The following KDM4C variants were observed in gnomAD, a reference collection of about 807,000 sequenced individuals.
KDM4C encodes lysine demethylase 4C.
A neutral mutation model predicts 129.3 loss-of-function variants in KDM4C; 81 were observed. The ratio of observed to expected loss-of-function variants is 0.63; its 90% confidence interval spans 0.52 to 0.75. The LOEUF (loss-of-function observed/expected upper bound fraction) is 0.75. Among genes scored for constraint, KDM4C ranks in the 30% least tolerant of loss-of-function variants. The probability of loss-of-function intolerance (pLI) is 0.00; values close to 1 mark genes in which losing one functional copy is unlikely to be tolerated. For synonymous variants in KDM4C, 573 were observed against 456.1 expected (o/e 1.26, Z -3.26); for missense variants, 1,457 against 1,304.0 (o/e 1.12, Z -1.81).
intron 8 of KDM4C, chr9:6,893,516 T>C (rs1846399764): frequency 9.3e-6 from 2 of 214,204 alleles, no homozygotes; most frequent in East Asian, 2.2e-4. Context: ...CAGTTGGTGT[T>C]TTGCAAGATT....
At chr9:6,957,365 C>T (rs1372984293) in intron 8 of KDM4C, among the ~76,000 whole-genome samples, 1 of 152,168 alleles carries the variant, frequency 6.6e-6, no homozygotes, top group African/African-American at 2.4e-5. Context: ...AGAAGGAAAG[C>T]TGTGTCCTGC....
intron 15 of KDM4C, among the ~76,000 whole-genome samples, chr9:7,028,361 A>G (rs1392592272): frequency 1.3e-5 from 2 of 151,812 alleles, no homozygotes; most frequent in Non-Finnish European, 2.9e-5. Context: ...CCTTCCGGCC[A>G]AGGGTGTGTC....
At chr9:7,153,556 A>T (rs941369478) in intron 19 of KDM4C, among the ~76,000 whole-genome samples, 6 of 152,084 alleles carry the variant, frequency 3.9e-5, no homozygotes, top group African/African-American at 1.2e-4. Flanking sequence ...CTTTTTGAGG[A>T]GGATGGTTTT....
intron 4 of KDM4C, among the ~76,000 whole-genome samples, chr9:6,848,640 G>A (rs1838287561): frequency 6.6e-6 from 1 of 151,994 alleles, no homozygotes; most frequent in South Asian, 2.1e-4. Flanking sequence ...CTGCACTCCA[G>A]CCTGGGCGAC....
chr9:7,003,015 C>T (rs1821012404), intron 12 of KDM4C, among the ~76,000 whole-genome samples: 1 of 152,206 alleles, frequency 6.6e-6, no homozygotes. Context: ...CGCCTGCCAC[C>T]ATTCTCGGCT....
chr9:6,760,445 G>GTATATATATATATA (rs60954996), intron 1 of KDM4C, among the ~76,000 whole-genome samples: 2,385 of 142,382 alleles, frequency 0.017, 62 homozygotes, highest in African/African-American at 0.046. Flanking sequence ...CTACTCTTGG[G>GTATATATATATATA]TATATATATA....
chr9:6,902,242 T>C (rs574858052), intron 8 of KDM4C, among the ~76,000 whole-genome samples: 3 of 152,324 alleles, frequency 2.0e-5, no homozygotes, highest in African/African-American at 4.8e-5. Context: ...TGAACACATA[T>C]AGAATTGTGC....
At chr9:7,007,918 A>G (rs949394340) in intron 12 of KDM4C, among the ~76,000 whole-genome samples, 9 of 152,228 alleles carry the variant, frequency 5.9e-5, no homozygotes, top group Non-Finnish European at 1.3e-4. Flanking sequence ...TCAGCAAGAC[A>G]GTGGAATAGG....
chr9:6,778,938 T>C (rs924867614), intron 1 of KDM4C, among the ~76,000 whole-genome samples: 7 of 151,632 alleles, frequency 4.6e-5, no homozygotes, highest in African/African-American at 1.7e-4. Flanking sequence ...GCCAAGCTGG[T>C]CTTTAACTCC....
chr9:6,775,437 A>G (rs896556804), intron 1 of KDM4C, among the ~76,000 whole-genome samples: 19 of 152,036 alleles, frequency 1.2e-4, no homozygotes, highest in African/African-American at 4.4e-4. Context: ...TTGAGTTTTC[A>G]GTTTTTAGTT....
At chr9:6,911,135 T>A (rs534174633) in intron 8 of KDM4C, among the ~76,000 whole-genome samples, 1 of 152,334 alleles carries the variant, frequency 6.6e-6, no homozygotes, top group South Asian at 2.1e-4. Context: ...GATTATTTTT[T>A]TAAAAGGGCT....
chr9:6,811,976 A>C (rs1014385344), intron 3 of KDM4C, among the ~76,000 whole-genome samples: 1 of 152,220 alleles, frequency 6.6e-6, no homozygotes, highest in Non-Finnish European at 1.5e-5. Flanking sequence ...GTTACTAGCC[A>C]AGTCATTTAT....
At chr9:7,060,710 G>T (rs1831530304) in intron 17 of KDM4C, among the ~76,000 whole-genome samples, 1 of 152,052 alleles carries the variant, frequency 6.6e-6, no homozygotes, top group Non-Finnish European at 1.5e-5. Flanking sequence ...TCAAACTCCT[G>T]ACCTCGTGAT....
At chr9:6,906,501 C>T (rs1310903788) in intron 8 of KDM4C, among the ~76,000 whole-genome samples, 2 of 152,170 alleles carry the variant, frequency 1.3e-5, no homozygotes, top group African/African-American at 2.4e-5. Context: ...GTACACTGAC[C>T]AGAGCCTCCC....
Position 7,165,357 on chromosome 9 carries a change from G to C in KDM4C, c.2901G>C (p.Gln967His). ...GATCAAATATTGCCCACATGTACCAGGTGGGTTCTTCCTTCTCTGTGATGC... is the reference window on the plus strand; with the variant it reads ...GATCAAATATTGCCCACATGTACCACGTGGGTTCTTCCTTCTCTGTGATGC... ...YFGSNIAHMY[Q>H]VEFEDGSQIA... is the part of the protein sequence containing the mutation. Residue 967 changes from glutamine (Q) to histidine (H), a missense_variant and splice_region_variant, in exon 20 of 22, where the codon CAG becomes CAC. Transcript: ENST00000381309. 1.2e-6 allele frequency: 2 copies of C among 1,613,648 alleles called. No homozygotes were observed. The highest frequency in any genetic ancestry group is 1.7e-6 in the Non-Finnish European group (2 of 1,179,782).
intron 1 of KDM4C, among the ~76,000 whole-genome samples, chr9:6,784,100 A>G (rs1824955592): frequency 6.6e-6 from 1 of 152,130 alleles, no homozygotes; most frequent in African/African-American, 2.4e-5. Context: ...TGCAGATGTT[A>G]CTATAGCCTG....
At chr9:6,743,840 T>C (rs778458532) in intron 1 of KDM4C, among the ~76,000 whole-genome samples, 10 of 152,068 alleles carry the variant, frequency 6.6e-5, no homozygotes, top group Non-Finnish European at 1.5e-4. Context: ...AATCTGCAGC[T>C]AGTCAAATTC....
intron 15 of KDM4C, among the ~76,000 whole-genome samples, chr9:7,024,280 A>C (rs1586992950): frequency 8.9e-6 from 1 of 112,334 alleles, no homozygotes; most frequent in African/African-American, 3.4e-5. Context: ...TTTTATCTCT[A>C]ATGTTTTCGT....
At chr9:6,999,287 A>G (rs1820339738) in intron 12 of KDM4C, among the ~76,000 whole-genome samples, 1 of 152,238 alleles carries the variant, frequency 6.6e-6, no homozygotes, top group Non-Finnish European at 1.5e-5. Flanking sequence ...TATTAAGTGA[A>G]TATGTTGACC....
Sources: gnomAD v4.1 joint callset for allele counts (sites outside exome capture counted in the v4.1 genomes callset) on GRCh38, gnomAD v4.1.1 for gene constraint, MANE v1.5 for transcripts, NCBI Gene and HGNC (gene_info 2026-07-23, HGNC 2026-07-21) for gene names.